Variants in CA5A observed in about 807,000 individuals in gnomAD.
CA5A encodes carbonic anhydrase 5A.
CA5A carries 28 observed loss-of-function variants against 37.1 expected under a neutral mutation model. The observed-to-expected ratio is 0.75, with a 90% confidence interval of 0.56 to 1.03. The LOEUF is 1.03. Ranked by LOEUF, CA5A falls within the 50% of genes least tolerant of loss-of-function variation. CA5A has a pLI of 0.00. For synonymous variants in CA5A, 171 were observed against 158.4 expected (o/e 1.08, Z -0.60); for missense variants, 444 against 399.9 (o/e 1.11, Z -0.94).
intron 2 of CA5A, among the ~76,000 whole-genome samples, chr16:87,926,007 G>C (rs1361233511): frequency 6.6e-6 from 1 of 152,204 alleles, no homozygotes; most frequent in Non-Finnish European, 1.5e-5. Flanking sequence ...CAGATCACCT[G>C]ATGTCAGGGG....
intron 1 of CA5A, among the ~76,000 whole-genome samples, chr16:87,934,469 GAGGCAGGA>G (rs2056445457): frequency 6.6e-6 from 1 of 152,268 alleles, no homozygotes; most frequent in Non-Finnish European, 1.5e-5. Context: ...TCGGGAGGCT[GAGGCAGGA>G]GAATTGCTTG....
intron 5 of CA5A, among the ~76,000 whole-genome samples, chr16:87,895,762 G>A (rs147037606): frequency 0.16 from 24,527 of 151,786 alleles, 2,173 homozygotes; most frequent in South Asian, 0.27. Flanking sequence ...CATGTAACAT[G>A]TGGAACATTT....
At chr16:87,936,171 TAAA>T (rs57177923) in intron 1 of CA5A, 135 bp downstream of exon 1, 1,970 of 432,154 alleles carry the variant, frequency 4.6e-3, no homozygotes, top group South Asian at 5.2e-3. Flanking sequence ...GACGCCATCT[TAAA>T]AAAAAAAAAA....
At position 87,911,454 on chromosome 16, in the gene CA5A, G is replaced by C. The variant is rs2056051370; in HGVS notation, c.341-6550C>G. Among the ~76,000 whole-genome samples, 1 of 152,162 alleles carries C rather than the reference G, an allele frequency of 6.6e-6. No individual in the cohort carries two copies. The highest frequency in any genetic ancestry group is 1.5e-5 in the Non-Finnish European group (1 of 68,034). The stretch of plus-strand genomic sequence containing the variant: ...CTTTTACCAAGATGAGCAGGCTTTT[G>C]GCAGGCACGGGTTGTTTGAAGGCTT... On this transcript the variant is annotated intron_variant, in intron 2 of 6. Transcript: ENST00000649794. The surrounding 1 kb of genome is among the most constrained non-coding windows in gnomAD (Gnocchi z 4.6).
At chr16:87,892,792 G>C in intron 5 of CA5A, 1 of 255,616 alleles carries the variant, frequency 3.9e-6, no homozygotes, top group Non-Finnish European at 7.4e-6. Flanking sequence ...TCCTGCCTCA[G>C]CCTCCAGCGC....
At chr16:87,924,129 G>T in intron 2 of CA5A, 2 of 985,414 alleles carry the variant, frequency 2.0e-6, no homozygotes, top group Non-Finnish European at 1.2e-6. Context: ...TGCCTCCCAA[G>T]ATCTGGTTGT....
intron 1 of CA5A, among the ~76,000 whole-genome samples, chr16:87,934,704 A>G (rs577389818): frequency 1.1e-3 from 162 of 152,320 alleles, no homozygotes; most frequent in Non-Finnish European, 1.7e-3. Flanking sequence ...TCACGCCTGT[A>G]ATCCCAGCAC....
Position 87,926,934 on chromosome 16 carries a change from A to T in CA5A, c.154T>A (p.Trp52Arg), listed in dbSNP as rs1425730132. 6.3e-7 allele frequency: 1 copy of T among 1,579,604 alleles called. No individual in the cohort carries two copies. Among genetic ancestry groups the T allele is most frequent in the Admixed American group, 1.8e-5 (1 of 54,624 alleles). ...CCTGGCACGGAGACCGGGACCGTCC[A>T]GAGTGGGTGCACTGCAGGGAGAGAG... ...QTSNNTLHPLWTVPVSVPGGT... is the reference protein window; with the variant it reads ...QTSNNTLHPLRTVPVSVPGGT... Residue 52 changes from tryptophan (W) to arginine (R), a missense_variant, in exon 2 of 7, where the codon TGG (tryptophan) becomes AGG (arginine). Transcript: ENST00000649794.
At chr16:87,917,233 T>G (rs532394415) in intron 2 of CA5A, among the ~76,000 whole-genome samples, 2 of 152,288 alleles carry the variant, frequency 1.3e-5, no homozygotes, top group South Asian at 2.1e-4. Flanking sequence ...CTGGTCACAG[T>G]TGATTGGACA....
chr16:87,935,957 G>T (rs2056465197), intron 1 of CA5A, among the ~76,000 whole-genome samples: 1 of 152,064 alleles, frequency 6.6e-6, no homozygotes, highest in Non-Finnish European at 1.5e-5. Context: ...CGGATCGCGA[G>T]GTTAGGAGTT....
At chr16:87,890,779 C>G (rs192163173) in intron 6 of CA5A, among the ~76,000 whole-genome samples, 1 of 152,000 alleles carries the variant, frequency 6.6e-6, no homozygotes, top group Admixed American at 6.6e-5. Flanking sequence ...CCATGCCTGG[C>G]TAATTTTTGT....
rs748576210 is a variant in CA5A at position 87,891,820 on chromosome 16, G to A, written c.753C>T (p.Pro251=). 3.7e-5 allele frequency: 57 copies of A among 1,543,352 alleles called. No individual in the cohort carries two copies. The highest frequency in any genetic ancestry group is 4.2e-5 in the Non-Finnish European group (48 of 1,148,808). Residue 251 remains proline (P), a synonymous_variant, in exon 6 of 7, where the codon CCC becomes CCT. Transcript: ENST00000649794. ...TCACCTGGCTTGGGGCCACTTCAACGGGCTCCTTCTGGATGATCCAGGTGA... is the reference window on the plus strand; with the variant it reads ...TCACCTGGCTTGGGGCCACTTCAACAGGCTCCTTCTGGATGATCCAGGTGA... ...ESVTWIIQKE[P]VEVAPSQLSA... is the part of the protein sequence containing the mutation.
Position 87,911,838 on chromosome 16 carries a change from G to C in CA5A, c.341-6934C>G, listed in dbSNP as rs762445286. 7.2e-5 allele frequency among the ~76,000 whole-genome samples: 11 copies of C among 152,190 alleles called. No individual in the cohort carries two copies. Among genetic ancestry groups the C allele is most frequent in the Non-Finnish European group, 1.6e-4 (11 of 68,042 alleles). Reference sequence around the variant, plus strand: ...AGTTGTTTTATAGGTCTGTGGCCCAGACTAGACGTTTATAAAAGGATAATG... The same window carrying C: ...AGTTGTTTTATAGGTCTGTGGCCCACACTAGACGTTTATAAAAGGATAATG... On this transcript the variant is annotated intron_variant, in intron 2 of 6. Coordinates refer to ENST00000649794, the MANE Select transcript of CA5A (RefSeq NM_001739.2). This position sits in a 1 kb window ranked among gnomAD's most constrained non-coding sequence, Gnocchi z 4.6.
In CA5A at chr16:87,890,023, G is replaced by C. The variant is rs867641787; in HGVS notation, c.775-1751C>G. On this transcript the variant is annotated intron_variant, in intron 6 of 6. Coordinates refer to ENST00000649794, the MANE Select transcript of CA5A (RefSeq NM_001739.2). ...CACGGTGTGCTCATCCACATTTGTGGTCTGCACATTTGTTGACTGTGCAGC... is the reference window on the plus strand; with the variant it reads ...CACGGTGTGCTCATCCACATTTGTGCTCTGCACATTTGTTGACTGTGCAGC... 5.9e-5 allele frequency among the ~76,000 whole-genome samples: 9 copies of C among 152,320 alleles called. No homozygotes were observed. The South Asian group carries it at 8.3e-4, about 14-fold the overall frequency.
At chr16:87,915,689 CAAA>C (rs10593708) in intron 2 of CA5A, among the ~76,000 whole-genome samples, 1,539 of 83,416 alleles carry the variant, frequency 0.018, 20 homozygotes, top group African/African-American at 0.033. Flanking sequence ...ATCCTGTCTC[CAAA>C]AAAAAAAAAA....
At chr16:87,905,032 G>C in intron 2 of CA5A, 128 bp from the exon 3 acceptor site, 3 of 707,710 alleles carry the variant, frequency 4.2e-6, no homozygotes, top group Non-Finnish European at 7.9e-6. Flanking sequence ...TGGTTGAAGT[G>C]ACAAGCCAAA....
At chr16:87,892,302 G>A (rs1430877678) in intron 5 of CA5A, 1 of 166,808 alleles carries the variant, frequency 6.0e-6, no homozygotes, top group African/African-American at 2.4e-5. Flanking sequence ...TTGAGGTCAG[G>A]AGTTCGAGAC....
chr16:87,897,285 T>A (rs2055817974), intron 5 of CA5A, among the ~76,000 whole-genome samples: 1 of 152,264 alleles, frequency 6.6e-6, no homozygotes, highest in African/African-American at 2.4e-5. Flanking sequence ...CCCAGCAGCC[T>A]GAGGAGCTTG....
At chr16:87,888,386 A>G in intron 6 of CA5A, 114 bp from the exon 7 acceptor site, 1 of 894,290 alleles carries the variant, frequency 1.1e-6, no homozygotes, top group South Asian at 1.8e-5. Flanking sequence ...ATGGCCCGAA[A>G]TGATCAATAA....
Sources: allele counts gnomAD v4.1 joint callset (sites outside exome capture counted in the v4.1 genomes callset), GRCh38; gene constraint gnomAD v4.1.1; non-coding constraint Gnocchi (gnomAD v3.1); transcripts MANE v1.5; gene names NCBI Gene and HGNC (gene_info 2026-07-23, HGNC 2026-07-21).